TBL1X: variants seen among roughly 807,000 people sequenced by gnomAD.
TBL1X encodes transducin beta like 1 X-linked.
A neutral mutation model predicts 50.7 loss-of-function variants in TBL1X; 10 were observed. The observed-to-expected ratio is 0.20, with a 90% CI of 0.12 to 0.33. The LOEUF (loss-of-function observed/expected upper bound fraction) is 0.33. Ranked by LOEUF, TBL1X falls within the 10% of genes least tolerant of loss-of-function variation. The pLI, the probability that TBL1X is intolerant of heterozygous loss-of-function variation, is 1.00. For missense variants in TBL1X, 340 were observed against 504.4 expected (o/e 0.67, Z 3.12); for synonymous variants, 190 against 214.7 (o/e 0.88, Z 1.01).
intron 2 of TBL1X, among the ~76,000 whole-genome samples, chrX:9,577,407 G>A (rs978130653): frequency 8.9e-6 from 1 of 111,964 alleles, no homozygotes; most frequent in African/African-American, 3.2e-5. Context: ...TGGAAGAGCC[G>A]GCCCCACCTA....
intron 15 of TBL1X, among the ~76,000 whole-genome samples, chrX:9,710,965 A>G (rs1021777783): frequency 8.9e-6 from 1 of 112,345 alleles, no homozygotes; most frequent in African/African-American, 3.2e-5. Flanking sequence ...GTAATAATAG[A>G]TGTCATGTTT....
chrX:9,653,738 G>T (rs1215121327), intron 4 of TBL1X, 49 bp downstream of exon 4: 6 of 1,082,423 alleles, frequency 5.5e-6, no homozygotes, highest in Non-Finnish European at 7.5e-6. Flanking sequence ...CTCTTTGGGG[G>T]TGTTGACATG....
intron 2 of TBL1X, among the ~76,000 whole-genome samples, chrX:9,591,278 T>C (rs1332604129): frequency 1.8e-5 from 2 of 111,782 alleles, no homozygotes; most frequent in Non-Finnish European, 3.8e-5. Context: ...TCTGCAGACA[T>C]GATGCCAATC....
intron 2 of TBL1X, among the ~76,000 whole-genome samples, chrX:9,576,715 A>AG (rs2082414360): frequency 9.3e-6 from 1 of 107,872 alleles, no homozygotes; most frequent in African/African-American, 3.4e-5. Flanking sequence ...AAAAAAAAAA[A>AG]ACATCGGACG....
chrX:9,686,484 G>A (rs1270008247), intron 6 of TBL1X, among the ~76,000 whole-genome samples: 1 of 112,353 alleles, frequency 8.9e-6, no homozygotes, highest in Non-Finnish European at 1.9e-5. Context: ...GGTTGCCTGA[G>A]GCCAGAAGTT....
chrX:9,506,060 T>C (rs2082024457), intron 2 of TBL1X, among the ~76,000 whole-genome samples: 1 of 112,155 alleles, frequency 8.9e-6, no homozygotes, highest in Admixed American at 9.5e-5. Flanking sequence ...AGTAAAACAC[T>C]CCTCAGCAAA....
chrX:9,662,640 A>ATGG (rs770503831), intron 5 of TBL1X, among the ~76,000 whole-genome samples: 61 of 112,092 alleles, frequency 5.4e-4, no homozygotes, highest in African/African-American at 1.9e-3. Flanking sequence ...GGGATGGTTG[A>ATGG]TGGTGATGGT....
intron 1 of TBL1X, among the ~76,000 whole-genome samples, chrX:9,473,233 A>G (rs1241741424): frequency 8.9e-6 from 1 of 112,253 alleles, no homozygotes; most frequent in African/African-American, 3.2e-5. Flanking sequence ...TGAATAGGAA[A>G]TTGACGTCCC....
At chrX:9,481,701 C>T (rs896996466) in intron 1 of TBL1X, among the ~76,000 whole-genome samples, 1 of 111,980 alleles carries the variant, frequency 8.9e-6, no homozygotes, top group African/African-American at 3.2e-5. Flanking sequence ...AAGAATGTCA[C>T]TTTCTGACAG....
At chrX:9,709,432 T>C in intron 14 of TBL1X, 110 bp downstream of exon 14, 1 of 978,390 alleles carries the variant, frequency 1.0e-6, no homozygotes, top group Non-Finnish European at 1.4e-6. Context: ...CTGACCACCC[T>C]CCCTTCCTCT....
At chrX:9,665,490 T>C (rs1216691316) in intron 5 of TBL1X, among the ~76,000 whole-genome samples, 6 of 3,835 alleles carry the variant, frequency 1.6e-3, no homozygotes, top group African/African-American at 2.3e-3. Context: ...ATATTCAAGC[T>C]ATATATATAT....
intron 1 of TBL1X, among the ~76,000 whole-genome samples, chrX:9,501,125 A>G (rs939417369): frequency 8.9e-6 from 1 of 111,827 alleles, no homozygotes; most frequent in East Asian, 2.8e-4. Context: ...GACTCATTCA[A>G]GGGGTCATGA....
intron 2 of TBL1X, among the ~76,000 whole-genome samples, chrX:9,616,089 T>C (rs924977634): frequency 8.9e-6 from 1 of 111,858 alleles, no homozygotes; most frequent in Non-Finnish European, 1.9e-5. Flanking sequence ...ACACTTTGGG[T>C]ATTATGATGC....
At chrX:9,622,078 T>C (rs1400879049) in intron 2 of TBL1X, among the ~76,000 whole-genome samples, 2 of 110,139 alleles carry the variant, frequency 1.8e-5, no homozygotes, top group Non-Finnish European at 1.9e-5. Flanking sequence ...CATAACTGTT[T>C]CGATATTTCT....
At chrX:9,538,891 G>T (rs1227971663) in intron 2 of TBL1X, among the ~76,000 whole-genome samples, 1 of 112,781 alleles carries the variant, frequency 8.9e-6, no homozygotes, top group African/African-American at 3.2e-5. Context: ...AAGCCCGCTG[G>T]GGCCCCTCCT....
intron 1 of TBL1X, among the ~76,000 whole-genome samples, chrX:9,479,345 C>T (rs2146930831): frequency 8.9e-6 from 1 of 112,234 alleles, no homozygotes; most frequent in East Asian, 2.8e-4. Context: ...ACTCAGGAGG[C>T]TGAGGCAAGA....
intron 2 of TBL1X, among the ~76,000 whole-genome samples, chrX:9,632,624 G>A (rs2082727419): frequency 8.9e-6 from 1 of 111,909 alleles, no homozygotes; most frequent in South Asian, 3.7e-4. Context: ...CTCAGTACTA[G>A]TGTTTTATTA....
At chrX:9,547,286 C>CT (rs1263710403) in intron 2 of TBL1X, among the ~76,000 whole-genome samples, 3 of 110,654 alleles carry the variant, frequency 2.7e-5, no homozygotes, top group Non-Finnish European at 5.7e-5. Context: ...TTATGCTCCT[C>CT]TAAGGCCCTT....
At chrX:9,663,841 T>C (rs193089274) in intron 5 of TBL1X, among the ~76,000 whole-genome samples, 77 of 108,408 alleles carry the variant, frequency 7.1e-4, no homozygotes, top group Middle Eastern at 4.8e-3. Flanking sequence ...GCTGAAAATA[T>C]ACAGGTGGAC....
Sources: gnomAD v4.1 joint callset for allele counts (sites outside exome capture counted in the v4.1 genomes callset) on GRCh38, gnomAD v4.1.1 for gene constraint, MANE v1.5 for transcripts, NCBI Gene and HGNC (gene_info 2026-07-23, HGNC 2026-07-21) for gene names.